Variants in CASC3 observed in about 807,000 individuals in gnomAD.
CASC3 encodes protein CASC3.
CASC3 carries 30 observed loss-of-function variants against 80.5 expected under a neutral mutation model. That is an observed-to-expected ratio of 0.37 (90% CI 0.28 to 0.51). The LOEUF (loss-of-function observed/expected upper bound fraction) is 0.51, where lower values mean the gene tolerates loss of function less well. Among genes scored for constraint, CASC3 ranks in the 20% least tolerant of loss-of-function variants. The probability of loss-of-function intolerance (pLI) is 0.94; values close to 1 mark genes in which losing one functional copy is unlikely to be tolerated. For missense variants in CASC3, 824 were observed against 922.2 expected (o/e 0.89, Z 1.38); for synonymous variants, 312 against 333.6 (o/e 0.94, Z 0.70).
At position 40,140,655 on chromosome 17, in the gene CASC3, G is replaced by T. The variant is rs1478953531; in HGVS notation, c.107G>T (p.Cys36Phe). The T allele has an allele frequency of 4.4e-6, 7 of 1,606,738 alleles. No individual in the cohort carries two copies. Among genetic ancestry groups the T allele is most frequent in the Non-Finnish European group, 5.1e-6 (6 of 1,178,076 alleles). ...GGSPLRGGGS[C>F]SGSAGGGGSG... ...TCCCCGTTGCGGGGAGGCGGGAGCT[G>T]CAGCGGTAGCGCCGGAGGCGGCGGC... Residue 36 changes from cysteine (C) to phenylalanine (F), a missense_variant, in exon 1 of 14, where the codon TGC becomes TTC. Around this residue, in one of 3 missense-constraint regions of CASC3, gnomAD observed 159 missense variants for 122.2 expected, o/e 1.30. Transcript: ENST00000264645.
chr17:40,159,585 G>GCTAA (rs1277113566), intron 3 of CASC3, among the ~76,000 whole-genome samples: 1 of 132,216 alleles, frequency 7.6e-6, no homozygotes, highest in East Asian at 2.3e-4. Flanking sequence ...TCTCTCTGTT[G>GCTAA]CTAAGACTGG....
intron 7 of CASC3, among the ~76,000 whole-genome samples, chr17:40,165,159 G>A (rs1177775052): frequency 1.3e-5 from 2 of 151,414 alleles, no homozygotes; most frequent in Non-Finnish European, 2.9e-5. Flanking sequence ...TCCTGACCTC[G>A]TGATCCGCCC....
intron 8 of CASC3, 80 bp downstream of exon 8, chr17:40,166,941 C>T: frequency 3.1e-5 from 23 of 749,834 alleles, no homozygotes; most frequent in Admixed American, 1.1e-4. Context: ...AAGATAAGGT[C>T]TTTTTTTTTT....
Position 40,161,920 on chromosome 17 carries a change from A to G in CASC3, c.456+9A>G. On this transcript the variant is annotated intron_variant, in intron 4 of 13. Transcript: ENST00000264645. ...AAAGTGGGGACGGACAGGTTAGTACATTCCACAGTCCTCCATTTTAGAGGC... is the reference window on the plus strand; with the variant it reads ...AAAGTGGGGACGGACAGGTTAGTACGTTCCACAGTCCTCCATTTTAGAGGC... The G allele has an allele frequency of 6.2e-7, 1 of 1,613,666 alleles. No homozygotes were observed. The highest frequency in any genetic ancestry group is 8.5e-7 in the Non-Finnish European group (1 of 1,179,866).
At chr17:40,166,547 T>C (rs550584484) in intron 7 of CASC3, among the ~76,000 whole-genome samples, 1 of 152,318 alleles carries the variant, frequency 6.6e-6, no homozygotes, top group African/African-American at 2.4e-5. Context: ...TTGAATTTGA[T>C]TTTCTTCACT....
intron 3 of CASC3, among the ~76,000 whole-genome samples, chr17:40,159,544 G>GTTTT (rs368113645): frequency 8.9e-6 from 1 of 112,850 alleles, no homozygotes; most frequent in Non-Finnish European, 1.8e-5. Flanking sequence ...TTCATTGTGT[G>GTTTT]TTTTTTTTTT....
chr17:40,150,585 T>G (rs1988978419), intron 3 of CASC3, among the ~76,000 whole-genome samples: 1 of 151,804 alleles, frequency 6.6e-6, no homozygotes. Flanking sequence ...CTATGGAGTC[T>G]AGAGAGAGAA....
At chr17:40,155,346 T>G (rs1354216231) in intron 3 of CASC3, among the ~76,000 whole-genome samples, 1 of 152,050 alleles carries the variant, frequency 6.6e-6, no homozygotes, top group Non-Finnish European at 1.5e-5. Flanking sequence ...AACCTCTGTC[T>G]CCTGGGTTCA....
chr17:40,168,802 C>T (rs919294113), intron 11 of CASC3: 32 of 258,994 alleles, frequency 1.2e-4, no homozygotes, highest in East Asian at 1.1e-4. Flanking sequence ...GTTGGCCAAG[C>T]TGGTCTCAAA....
Position 40,163,671 on chromosome 17 carries a change from T to G in CASC3, c.976T>G (p.Phe326Val), listed in dbSNP as rs758162778. The G allele has an allele frequency of 6.2e-7, 1 of 1,614,124 alleles. No homozygotes were observed. The highest frequency in any genetic ancestry group is 8.5e-7 in the Non-Finnish European group (1 of 1,180,028). The change falls in exon 7 of 14, where the codon TTT (phenylalanine) becomes GTT (valine). Residue 326 changes from phenylalanine to valine, a missense_variant. This residue lies in a region of CASC3 where 464 missense variants were observed against 506.0 expected (regional missense o/e 0.92). Coordinates refer to ENST00000264645, the MANE Select transcript of CASC3 (RefSeq NM_007359.5). ...SGGFKEGRAG[F>V]RPVEAGGQHG... ...GGGCTTCAAGGAAGGTCGTGCTGGT[T>G]TTAGGCCTGTGGAAGCTGGTGGGCA...
chr17:40,162,619 C>T (rs556651530), intron 5 of CASC3, 106 bp from the exon 6 acceptor site: 45 of 1,006,216 alleles, frequency 4.5e-5, no homozygotes, highest in African/African-American at 4.2e-4. Context: ...GAGGAGACTA[C>T]GTAAAGTTCC....
At position 40,154,182 on chromosome 17, in the gene CASC3, A is replaced by G. The variant is rs536606409; in HGVS notation, c.298-7571A>G. ...TGAAGAAATGACTATTCAGATACCT[A>G]GGCAATTTTTTAAAAATTAATTTTT... is the stretch of plus-strand genomic sequence containing the variant. On this transcript the variant is annotated intron_variant, in intron 3 of 13. Transcript: ENST00000264645. 2.1e-5 allele frequency among the ~76,000 whole-genome samples: 3 copies of G among 139,888 alleles called. No homozygotes were observed. In the Admixed American group the frequency reaches 2.3e-4, roughly 11 times the overall value. 91.8% of individuals were successfully genotyped at this position (139,888 alleles called of 152,430 possible). A position where few individuals can be genotyped will look rare whatever the true frequency, so the allele number is the denominator to read the frequency against.
intron 3 of CASC3, among the ~76,000 whole-genome samples, chr17:40,146,722 G>A (rs1988872295): frequency 6.6e-6 from 1 of 151,930 alleles, no homozygotes; most frequent in Admixed American, 6.6e-5. Context: ...ACAGGCATGA[G>A]CCACAGTGCC....
At position 40,168,331 on chromosome 17, in the gene CASC3, G is replaced by T. The variant is rs763784278; in HGVS notation, c.1879G>T (p.Val627Phe). 1 of 1,613,904 alleles carries T rather than the reference G, an allele frequency of 6.2e-7. No individual in the cohort carries two copies. Among genetic ancestry groups the T allele is most frequent in the South Asian group, 1.1e-5 (1 of 91,076 alleles). Residue 627 changes from valine to phenylalanine, a missense_variant, in exon 11 of 14, where the codon GTC becomes TTC. Physicochemically the swap from Val to Phe is conservative, Grantham distance 50. This residue lies in a region of CASC3 where 464 missense variants were observed against 506.0 expected (regional missense o/e 0.92). Coordinates refer to ENST00000264645, the MANE Select transcript of CASC3 (RefSeq NM_007359.5). Reference sequence around the variant, plus strand: ...TCCTACTTACTTTTCTGCTCCAGGCGTCATGAACTTTGGTAATCCCAGTTA... The same window carrying T: ...TCCTACTTACTTTTCTGCTCCAGGCTTCATGAACTTTGGTAATCCCAGTTA... The part of the protein sequence containing the change: ...LAPTYFSAPG[V>F]MNFGNPSYPY...
At position 40,162,134 on chromosome 17, in the gene CASC3, A is replaced by C. The variant is rs1466887281; in HGVS notation, c.589A>C (p.Thr197Pro). ...LFFEHDLRGQ[T>P]QEEEVRPKGR... ...CTTTGAGCATGATCTTCGAGGGCAAACTCAGGAGGAGGAAGTCAGGTAAAA... is the reference window on the plus strand; with the variant it reads ...CTTTGAGCATGATCTTCGAGGGCAACCTCAGGAGGAGGAAGTCAGGTAAAA... Residue 197 changes from threonine to proline, a missense_variant, in exon 5 of 14, where the codon ACT becomes CCT. Around this residue, in one of 3 missense-constraint regions of CASC3, gnomAD observed 201 missense variants for 294.1 expected, o/e 0.68. Transcript: ENST00000264645. 13 of 1,613,398 alleles carry C rather than the reference A, an allele frequency of 8.1e-6. No individual in the cohort carries two copies. The highest frequency in any genetic ancestry group is 1.1e-5 in the Non-Finnish European group (13 of 1,179,730).
chr17:40,146,775 G>A (rs1460819303), intron 3 of CASC3, among the ~76,000 whole-genome samples: 2 of 151,864 alleles, frequency 1.3e-5, no homozygotes, highest in Admixed American at 6.6e-5. Flanking sequence ...TAATAGAGAT[G>A]AGGTCACTCT....
chr17:40,171,881 T>C lies in CASC3; in HGVS notation c.*1476T>C. The C allele has an allele frequency of 2.5e-6, 3 of 1,211,366 alleles. No homozygotes were observed. In the East Asian group the frequency reaches 1.7e-4, roughly 69 times the overall value. The allele number at this position is 1,211,366 out of a possible 1,614,324, so 75.0% of individuals were successfully genotyped here. On this transcript the variant is annotated 3_prime_UTR_variant, in exon 14 of 14. Transcript: ENST00000264645. The stretch of plus-strand genomic sequence containing the variant: ...AGAGTGGGGAGAGGCACTTAATCTG[T>C]AACCCCCAAGGAGGAAATAACTAAG...
intron 3 of CASC3, among the ~76,000 whole-genome samples, chr17:40,159,710 AATT>A (rs1288857585): frequency 3.7e-5 from 5 of 134,162 alleles, no homozygotes; most frequent in African/African-American, 1.5e-4. Context: ...ATTCCTGGCG[AATT>A]TTTTTTTTTT....
In CASC3 at chr17:40,167,869, C is replaced by T; in HGVS notation, c.1671C>T (p.Ile557=). 1.2e-6 allele frequency: 2 copies of T among 1,614,110 alleles called. No homozygotes were observed. Among genetic ancestry groups the T allele is most frequent in the South Asian group, 2.2e-5 (2 of 91,080 alleles). Residue 557 remains isoleucine, a synonymous_variant, in exon 10 of 14, where the codon ATC becomes ATT. Coordinates refer to ENST00000264645, the MANE Select transcript of CASC3 (RefSeq NM_007359.5). ...TTACAGTGCAGTTCCAGGGACCAAT[C>T]TATACCCATGGTGACAGCCCTGCCC... ...YYDPLQFQGP[I]YTHGDSPAPL...
Sources: gnomAD v4.1 joint callset for allele counts (sites outside exome capture counted in the v4.1 genomes callset) on GRCh38, gnomAD v4.1.1 for gene constraint, gnomAD v4.1.1 regional missense constraint, MANE v1.5 for transcripts, NCBI Gene and HGNC (gene_info 2026-07-23, HGNC 2026-07-21) for gene names.